RDX: variants seen among roughly 807,000 people sequenced by gnomAD.
The protein encoded by RDX is deafness, autosomal recessive 24.
In RDX, 32 loss-of-function variants were observed where a neutral mutation model predicts 83.7. That is an observed-to-expected ratio of 0.38 (90% CI 0.29 to 0.51). RDX has a LOEUF of 0.51. Ranked by LOEUF, RDX falls within the 20% of genes least tolerant of loss-of-function variation. The pLI is 0.87. For missense variants in RDX, 600 were observed against 689.9 expected (o/e 0.87, Z 1.46); for synonymous variants, 229 against 222.7 (o/e 1.03, Z -0.25).
intron 1 of RDX, among the ~76,000 whole-genome samples, chr11:110,292,111 G>A (rs533562688): frequency 1.3e-5 from 2 of 152,270 alleles, no homozygotes; most frequent in South Asian, 2.1e-4. Flanking sequence ...TGGCCAACAT[G>A]GTAACACCCT....
intron 14 of RDX, among the ~76,000 whole-genome samples, chr11:110,222,670 C>A (rs1864289714): frequency 1.3e-5 from 2 of 152,136 alleles, no homozygotes; most frequent in African/African-American, 4.8e-5. Context: ...GTGGCGGACG[C>A]CTGTAGTCCC....
rs575156185 is a variant in RDX, at chr11:110,182,563, G to A, written c.*32-7329C>T. On this transcript the variant is annotated intron_variant, in intron 15 of 15. Coordinates refer to the RDX transcript ENST00000528498. ...TTGCAGTGAGCTGAGATCTTGCCAC[G>A]GTACTCCAGCCAGGGTGACAGAGCC... Among the ~76,000 whole-genome samples, 9 of 152,172 alleles carry A rather than the reference G, an allele frequency of 5.9e-5. No homozygotes were observed. In the South Asian group the frequency reaches 1.7e-3, roughly 28 times the overall value.
chr11:110,289,411 A>T (rs1158493961), intron 1 of RDX, among the ~76,000 whole-genome samples: 1 of 152,168 alleles, frequency 6.6e-6, no homozygotes, highest in Non-Finnish European at 1.5e-5. Context: ...CTTGTTGATT[A>T]GATATTAGCA....
intron 10 of RDX, among the ~76,000 whole-genome samples, chr11:110,243,276 G>C (rs1016390256): frequency 6.6e-6 from 1 of 152,126 alleles, no homozygotes; most frequent in Non-Finnish European, 1.5e-5. Context: ...TGGTCCCCAA[G>C]TATTTAAGAT....
At chr11:110,198,689 C>G (rs73008052) in intron 15 of RDX, among the ~76,000 whole-genome samples, 43,723 of 152,164 alleles carry the variant, frequency 0.29, 6,748 homozygotes, top group Middle Eastern at 0.35. Flanking sequence ...CCCTCCACCC[C>G]CCAACCCCAC....
intron 5 of RDX, among the ~76,000 whole-genome samples, chr11:110,261,279 A>G (rs1441511032): frequency 2.0e-5 from 3 of 152,216 alleles, no homozygotes; most frequent in Non-Finnish European, 4.4e-5. Flanking sequence ...AAAAGGTATT[A>G]CCAAATACCC....
exon 15 of RDX, chr11:110,199,636 G>C (rs1289890173): frequency 1.4e-6 from 1 of 703,048 alleles, no homozygotes; most frequent in Admixed American, 2.0e-5. Context: ...TGCTGCTTTG[G>C]CAAGAGCGCA....
chr11:110,269,623 G>A (rs957227151), intron 3 of RDX, among the ~76,000 whole-genome samples: 1 of 152,086 alleles, frequency 6.6e-6, no homozygotes, highest in Non-Finnish European at 1.5e-5. Context: ...TGCATTTTTC[G>A]ATCCTTGCAT....
intron 1 of RDX, among the ~76,000 whole-genome samples, chr11:110,289,956 CAAAAAAAA>C (rs58146009): frequency 1.2e-3 from 41 of 35,486 alleles, no homozygotes; most frequent in Admixed American, 5.2e-3. Flanking sequence ...GAGACTGTCT[CAAAAAAAA>C]AAAAAAAAAA....
chr11:110,190,940 C>T (rs1863093275), intron 15 of RDX, among the ~76,000 whole-genome samples: 1 of 152,120 alleles, frequency 6.6e-6, no homozygotes, highest in Non-Finnish European at 1.5e-5. Context: ...AAAATTGAAT[C>T]AGTAATAAAA....
intron 14 of RDX, among the ~76,000 whole-genome samples, chr11:110,210,209 G>A (rs938331378): frequency 5.4e-4 from 72 of 133,888 alleles, no homozygotes; most frequent in African/African-American, 2.1e-3. Context: ...CTCAGGAGCC[G>A]ATGCAATCAA....
intron 15 of RDX, among the ~76,000 whole-genome samples, chr11:110,188,553 A>G (rs1241907318): frequency 6.6e-6 from 1 of 152,112 alleles, no homozygotes; most frequent in African/African-American, 2.4e-5. Flanking sequence ...CATATTGGGT[A>G]ACAGTGTACA....
intron 9 of RDX, among the ~76,000 whole-genome samples, chr11:110,250,923 C>T (rs778442705): frequency 6.6e-6 from 1 of 152,132 alleles, no homozygotes; most frequent in Non-Finnish European, 1.5e-5. Context: ...TTTTTGTAGG[C>T]CTGTCTTGTC....
chr11:110,178,662 T>C (rs1278795179), intron 15 of RDX, among the ~76,000 whole-genome samples: 1 of 151,916 alleles, frequency 6.6e-6, no homozygotes, highest in Non-Finnish European at 1.5e-5. Context: ...AGAAATCAGG[T>C]ACAGAAGCAA....
At chr11:110,247,557 T>C in intron 10 of RDX, 146 bp downstream of exon 10, 1 of 751,804 alleles carries the variant, frequency 1.3e-6, no homozygotes, top group Non-Finnish European at 2.1e-6. Flanking sequence ...ATGTTTATGA[T>C]GTGATTCCAC....
At chr11:110,245,926 A>C (rs1271548409) in intron 10 of RDX, among the ~76,000 whole-genome samples, 1 of 152,212 alleles carries the variant, frequency 6.6e-6, no homozygotes, top group East Asian at 1.9e-4. Flanking sequence ...AACTGAATGC[A>C]GGTCTGGTGC....
At chr11:110,189,398 T>C (rs1863061862) in intron 15 of RDX, among the ~76,000 whole-genome samples, 1 of 152,116 alleles carries the variant, frequency 6.6e-6, no homozygotes, top group Non-Finnish European at 1.5e-5. Flanking sequence ...TGAAAATACT[T>C]AGCCACACAA....
At chr11:110,286,466 G>C (rs1470648701) in intron 1 of RDX, among the ~76,000 whole-genome samples, 1 of 152,172 alleles carries the variant, frequency 6.6e-6, no homozygotes, top group South Asian at 2.1e-4. Flanking sequence ...CCTCATGCTC[G>C]ACACATTGAG....
chr11:110,233,258 C>T lies in RDX; in HGVS notation c.1566G>A (p.Glu522=). 1 of 1,613,440 alleles carries T rather than the reference C, an allele frequency of 6.2e-7. No homozygotes were observed. The highest frequency in any genetic ancestry group is 8.5e-7 in the Non-Finnish European group (1 of 1,179,962). Residue 522 remains glutamate (E), a synonymous_variant, in exon 13 of 14, where the codon GAG becomes GAA. Coordinates refer to ENST00000645495, the MANE Select transcript of RDX (RefSeq NM_002906.4). ...EERVTETQKN[E]RVKKQLQALS... is the part of the protein sequence containing the mutation. ...ATACCTGAAGTTGCTTCTTAACACG[C>T]TCATTTTTCTGTGTTTCGGTTACAC...
Sources: allele counts gnomAD v4.1 joint callset (sites outside exome capture counted in the v4.1 genomes callset), GRCh38; gene constraint gnomAD v4.1.1; transcripts MANE v1.5; gene names NCBI Gene and HGNC (gene_info 2026-07-23, HGNC 2026-07-21).